MAML3: variants seen among roughly 807,000 people sequenced by gnomAD.
MAML3 encodes mastermind-like protein 3.
Under a neutral mutation model 101.9 loss-of-function variants are expected in MAML3, and 27 were observed. The ratio of observed to expected loss-of-function variants is 0.27; its 90% CI spans 0.20 to 0.37. The LOEUF (loss-of-function observed/expected upper bound fraction) is 0.37, where lower values mean the gene tolerates loss of function less well. Ranked by LOEUF, MAML3 falls within the 10% of genes least tolerant of loss-of-function variation. The pLI is 1.00. For synonymous variants in MAML3, 501 were observed against 555.9 expected (o/e 0.90, Z 1.39); for missense variants, 1,316 against 1,444.9 (o/e 0.91, Z 1.45).
intron 1 of MAML3, among the ~76,000 whole-genome samples, chr4:139,945,824 C>T (rs1012173846): frequency 1.3e-5 from 2 of 152,112 alleles, no homozygotes; most frequent in East Asian, 1.9e-4. Flanking sequence ...GTACATCATA[C>T]GAAGGCATTT....
chr4:140,095,411 C>A (rs2110988662), intron 1 of MAML3, among the ~76,000 whole-genome samples: 1 of 152,248 alleles, frequency 6.6e-6, no homozygotes, highest in South Asian at 2.1e-4. Context: ...TCCCACTTGA[C>A]CCCCAATTGG....
intron 4 of MAML3, among the ~76,000 whole-genome samples, chr4:139,724,917 C>G (rs752937358): frequency 6.6e-6 from 1 of 151,994 alleles, no homozygotes; most frequent in Non-Finnish European, 1.5e-5. Context: ...CATCACCACT[C>G]CTGGCTAATT....
At chr4:139,817,327 G>T (rs1342301406) in intron 2 of MAML3, among the ~76,000 whole-genome samples, 1 of 152,144 alleles carries the variant, frequency 6.6e-6, no homozygotes, top group Non-Finnish European at 1.5e-5. Context: ...TCCCCTTCGA[G>T]AATAATTTTT....
At chr4:140,073,388 T>C (rs1727697980) in intron 1 of MAML3, among the ~76,000 whole-genome samples, 1 of 152,152 alleles carries the variant, frequency 6.6e-6, no homozygotes, top group African/African-American at 2.4e-5. Flanking sequence ...TCCACCCACG[T>C]AGGTCTCCCA....
At chr4:140,083,030 G>A (rs1168075397) in intron 1 of MAML3, among the ~76,000 whole-genome samples, 1 of 152,156 alleles carries the variant, frequency 6.6e-6, no homozygotes, top group Non-Finnish European at 1.5e-5. Context: ...TGTATATAGT[G>A]CTTAACAGTT....
intron 2 of MAML3, among the ~76,000 whole-genome samples, chr4:139,864,939 T>TTTTG (rs1731868327): frequency 7.0e-6 from 1 of 143,796 alleles, no homozygotes; most frequent in Non-Finnish European, 1.5e-5. Context: ...TTTTTTTTTT[T>TTTTG]TTTTTTTTTT....
chr4:139,884,537 C>T (rs62344933), intron 2 of MAML3, among the ~76,000 whole-genome samples: 1 of 152,208 alleles, frequency 6.6e-6, no homozygotes. Flanking sequence ...TATTCTTGGG[C>T]TCTGGGCTGG....
chr4:139,886,902 G>A (rs911950702), intron 2 of MAML3, among the ~76,000 whole-genome samples: 1 of 152,268 alleles, frequency 6.6e-6, no homozygotes, highest in Admixed American at 6.5e-5. Context: ...TTATACAAAT[G>A]TTCCAAATAA....
At chr4:140,112,792 A>C (rs1234100803) in intron 1 of MAML3, among the ~76,000 whole-genome samples, 2 of 152,248 alleles carry the variant, frequency 1.3e-5, no homozygotes, top group Non-Finnish European at 2.9e-5. Context: ...ACTTGTCGGG[A>C]AAATTGCATC....
At chr4:140,100,054 C>T (rs754952341) in intron 1 of MAML3, among the ~76,000 whole-genome samples, 41 of 150,120 alleles carry the variant, frequency 2.7e-4, no homozygotes, top group Non-Finnish European at 5.2e-4. Context: ...GCCCCTTGAA[C>T]GACCGCAGCC....
chr4:140,011,232 G>GAATATATATATATATATATATATA (rs1560865855), intron 1 of MAML3, among the ~76,000 whole-genome samples: 1 of 28,502 alleles, frequency 3.5e-5, no homozygotes, highest in Non-Finnish European at 2.2e-4. Context: ...TATAAAGTGT[G>GAATATATATATATATATATATATA]CATATATATA....
At chr4:139,947,725 C>T (rs947638000) in intron 1 of MAML3, among the ~76,000 whole-genome samples, 8 of 152,068 alleles carry the variant, frequency 5.3e-5, no homozygotes, top group Admixed American at 2.0e-4. Flanking sequence ...GCCTCAGTTT[C>T]GACAGCAGGA....
chr4:139,739,849 T>C (rs2096418489), intron 2 of MAML3, among the ~76,000 whole-genome samples: 1 of 152,012 alleles, frequency 6.6e-6, no homozygotes, highest in African/African-American at 2.4e-5. Flanking sequence ...ATATTACTTT[T>C]AGTATTATTT....
intron 1 of MAML3, among the ~76,000 whole-genome samples, chr4:139,918,683 T>C (rs1417270257): frequency 6.6e-6 from 1 of 152,224 alleles, no homozygotes; most frequent in East Asian, 1.9e-4. Context: ...TGTTGCTCAC[T>C]AATGTGTCTG....
In MAML3 at chr4:140,069,372, A is replaced by G. The variant is rs557530228; in HGVS notation, c.468+83488T>C. On this transcript the variant is annotated intron_variant, in intron 1 of 4. Coordinates refer to ENST00000509479, the MANE Select transcript of MAML3 (RefSeq NM_018717.5). ...GGAGAAGGAGAAGGAGAAGAAGAAG[A>G]AGAAGAAGAAGAAGGAGGAGGAGGA... Among the ~76,000 whole-genome samples the G allele has an allele frequency of 4.0e-3, 521 of 130,010 alleles. 7 individuals carry two copies. Among genetic ancestry groups the G allele is most frequent in the African/African-American group, 0.015 (495 of 33,270 alleles). 85.3% of individuals were successfully genotyped at this position (130,010 alleles called of 152,430 possible).
intron 1 of MAML3, among the ~76,000 whole-genome samples, chr4:140,053,635 AG>A (rs1727305676): frequency 6.6e-6 from 1 of 152,198 alleles, no homozygotes; most frequent in African/African-American, 2.4e-5. Context: ...TGAATATATC[AG>A]GGGCCAGCAA....
chr4:139,823,517 T>A (rs74844889), intron 2 of MAML3, among the ~76,000 whole-genome samples: 9 of 152,128 alleles, frequency 5.9e-5, no homozygotes, highest in Non-Finnish European at 5.9e-5. Flanking sequence ...CATGTGCGTG[T>A]TGGCATTCCT....
At chr4:139,829,119 G>A (rs1275940531) in intron 2 of MAML3, among the ~76,000 whole-genome samples, 4 of 148,494 alleles carry the variant, frequency 2.7e-5, no homozygotes, top group Non-Finnish European at 4.5e-5. Flanking sequence ...GGAAGAAAGA[G>A]AAAGGAAGGA....
At chr4:140,046,237 A>G (rs1330286362) in intron 1 of MAML3, among the ~76,000 whole-genome samples, 2 of 152,044 alleles carry the variant, frequency 1.3e-5, no homozygotes, top group Admixed American at 6.6e-5. Context: ...CTGATGTTAG[A>G]CCCTCTGGAG....
Sources: gnomAD v4.1 joint callset for allele counts (sites outside exome capture counted in the v4.1 genomes callset) on GRCh38, gnomAD v4.1.1 for gene constraint, MANE v1.5 for transcripts, NCBI Gene and HGNC (gene_info 2026-07-23, HGNC 2026-07-21) for gene names.